The following BTBD9 variants were observed in gnomAD, a reference collection of about 807,000 sequenced individuals.
BTBD9 encodes BTB domain containing 9, also known as BTB/POZ domain-containing protein 9.
Under a neutral mutation model 64.3 loss-of-function variants are expected in BTBD9, and 49 were observed. The observed-to-expected ratio is 0.76, with a 90% confidence interval of 0.61 to 0.97. The LOEUF is 0.97. Among genes scored for constraint, BTBD9 ranks in the 50% least tolerant of loss-of-function variants. The pLI is 0.00. For synonymous variants in BTBD9, 260 were observed against 274.7 expected (o/e 0.95, Z 0.53); for missense variants, 598 against 762.1 (o/e 0.78, Z 2.53).
chr6:38,346,271 G>C (rs75195717), intron 6 of BTBD9, among the ~76,000 whole-genome samples: 5,122 of 152,200 alleles, frequency 0.034, 174 homozygotes, highest in East Asian at 0.11. Flanking sequence ...TGTAAATGCT[G>C]ATTTAGAAAA....
chr6:38,497,785 C>T lies in BTBD9; in HGVS notation c.1154+79815G>A, dbSNP rs115049505. On this transcript the variant is annotated intron_variant, in intron 6 of 10. Transcript: ENST00000481247. ...CTACAAAACTCCAACTACTGAGCAACCATTACAGCAAGCAAAGGCTTCAGA... is the reference window on the plus strand; with the variant it reads ...CTACAAAACTCCAACTACTGAGCAATCATTACAGCAAGCAAAGGCTTCAGA... Among the ~76,000 whole-genome samples, 462 of 152,304 alleles carry T rather than the reference C, an allele frequency of 3.0e-3. 4 individuals carry two copies. The highest frequency in any genetic ancestry group is 0.01 in the African/African-American group (431 of 41,580).
chr6:38,454,798 C>A (rs1033733661), intron 6 of BTBD9, among the ~76,000 whole-genome samples: 3 of 146,532 alleles, frequency 2.0e-5, no homozygotes, highest in Non-Finnish European at 3.0e-5. Flanking sequence ...AAGACTCTGT[C>A]TCTTAAAAAA....
intron 6 of BTBD9, among the ~76,000 whole-genome samples, chr6:38,481,284 ATTAATTCCTTTCTGAATGAGAGC>A (rs1271685041): frequency 6.6e-6 from 1 of 152,218 alleles, no homozygotes; most frequent in East Asian, 1.9e-4. Context: ...TATAATTCAA[ATTAATTCCTTTCTGAATGAGAGC>A]TGAGTAACAA....
intron 8 of BTBD9, among the ~76,000 whole-genome samples, chr6:38,284,253 G>A (rs1479929324): frequency 6.6e-6 from 1 of 152,024 alleles, no homozygotes; most frequent in East Asian, 1.9e-4. Flanking sequence ...ACACAATTCT[G>A]CCTTTGGTGT....
intron 7 of BTBD9, among the ~76,000 whole-genome samples, chr6:38,317,705 TCTGA>T (rs1380853794): frequency 1.3e-5 from 2 of 152,178 alleles, no homozygotes. Context: ...TTTTGTCTTC[TCTGA>T]CTGTGTAATT....
chr6:38,318,411 T>G (rs981284333), intron 7 of BTBD9, among the ~76,000 whole-genome samples: 5 of 152,184 alleles, frequency 3.3e-5, no homozygotes, highest in Non-Finnish European at 7.3e-5. Flanking sequence ...TTGGGAAGGT[T>G]TTCCAGGAAT....
intron 9 of BTBD9, among the ~76,000 whole-genome samples, chr6:38,241,909 C>T (rs1764004998): frequency 1.3e-5 from 2 of 152,028 alleles, no homozygotes; most frequent in South Asian, 4.1e-4. Flanking sequence ...GGAAGAAAAA[C>T]AGGCTAATAT....
At chr6:38,401,360 T>C (rs1397812242) in intron 6 of BTBD9, among the ~76,000 whole-genome samples, 2 of 152,212 alleles carry the variant, frequency 1.3e-5, no homozygotes, top group Non-Finnish European at 2.9e-5. Context: ...TGCAGAACTG[T>C]GAGTCAATGT....
intron 9 of BTBD9, among the ~76,000 whole-genome samples, chr6:38,199,552 C>T (rs558970933): frequency 6.6e-6 from 1 of 152,258 alleles, no homozygotes; most frequent in South Asian, 2.1e-4. Context: ...AATTTATCAG[C>T]GTTAAAAAGG....
At chr6:38,375,316 T>C (rs1045735930) in intron 6 of BTBD9, among the ~76,000 whole-genome samples, 3 of 152,346 alleles carry the variant, frequency 2.0e-5, no homozygotes, top group Middle Eastern at 3.4e-3. Flanking sequence ...TTTTTTCTTC[T>C]GTCCCTGCCC....
intron 9 of BTBD9, among the ~76,000 whole-genome samples, chr6:38,217,622 T>A (rs1582066214): frequency 1.3e-5 from 2 of 152,010 alleles, no homozygotes; most frequent in East Asian, 3.9e-4. Flanking sequence ...GAACAGAATG[T>A]CTAACAGACT....
chr6:38,390,184 T>G (rs1766350891), intron 6 of BTBD9, among the ~76,000 whole-genome samples: 1 of 152,126 alleles, frequency 6.6e-6, no homozygotes. Context: ...TTTTCTTTCT[T>G]TTTTTTGAGA....
Position 38,577,823 on chromosome 6 carries a change from CTAAT to C in BTBD9, c.1035-108_1035-105del, listed in dbSNP as rs555516138. On this transcript the variant is annotated intron_variant, in intron 5 of 10. Transcript: ENST00000481247. ...AAAGGTACAAAAAATACAGAATTCA[CTAAT>C]TACATTTTCTACATAATCAAATTCT... is the stretch of plus-strand genomic sequence containing the variant. The C allele has an allele frequency of 1.9e-4, 186 of 1,004,716 alleles. 1 individual carries two copies. The African/African-American group carries it at 2.7e-3, about 15-fold the overall frequency. 62.2% of individuals were successfully genotyped at this position (1,004,716 alleles called of 1,614,324 possible).
chr6:38,247,270 T>C (rs1432561552), intron 9 of BTBD9, among the ~76,000 whole-genome samples: 2 of 152,212 alleles, frequency 1.3e-5, no homozygotes, highest in Non-Finnish European at 2.9e-5. Context: ...ACCTTTAATT[T>C]ATCCTGTTGT....
chr6:38,261,131 G>C (rs1401218068), intron 8 of BTBD9, among the ~76,000 whole-genome samples: 2 of 150,810 alleles, frequency 1.3e-5, no homozygotes, highest in South Asian at 2.1e-4. Flanking sequence ...TAATTTTGTT[G>C]CCTAGGCTAG....
chr6:38,556,546 T>C (rs1321904992), intron 6 of BTBD9, among the ~76,000 whole-genome samples: 2 of 101,968 alleles, frequency 2.0e-5, no homozygotes, highest in Admixed American at 9.2e-5. Context: ...TGTGTGTGTG[T>C]GTGTGAGAGA....
chr6:38,230,779 C>T (rs559186055), intron 9 of BTBD9, among the ~76,000 whole-genome samples: 6 of 152,248 alleles, frequency 3.9e-5, no homozygotes, highest in African/African-American at 1.4e-4. Flanking sequence ...TTTCCCAAGG[C>T]TTTGGAAGGC....
At chr6:38,560,012 T>A (rs890682421) in intron 6 of BTBD9, among the ~76,000 whole-genome samples, 9 of 152,054 alleles carry the variant, frequency 5.9e-5, no homozygotes, top group South Asian at 2.1e-4. Context: ...TATCTATACA[T>A]CAGCCTTGAT....
At chr6:38,442,936 G>C (rs1769104244) in intron 6 of BTBD9, among the ~76,000 whole-genome samples, 1 of 151,956 alleles carries the variant, frequency 6.6e-6, no homozygotes, top group Non-Finnish European at 1.5e-5. Flanking sequence ...CCAAAGTGCT[G>C]GGATTACATG....
Sources: gnomAD v4.1 joint callset for allele counts (sites outside exome capture counted in the v4.1 genomes callset) on GRCh38, gnomAD v4.1.1 for gene constraint, MANE v1.5 for transcripts, NCBI Gene and HGNC (gene_info 2026-07-23, HGNC 2026-07-21) for gene names.